The following LRCH1 variants were observed in gnomAD, a reference collection of about 807,000 sequenced individuals.
LRCH1 encodes the protein leucine-rich repeat and calponin homology domain-containing protein 1.
Under a neutral mutation model 94.9 loss-of-function variants are expected in LRCH1, and 23 were observed. The ratio of observed to expected loss-of-function variants is 0.24; its 90% CI spans 0.17 to 0.34. The LOEUF (loss-of-function observed/expected upper bound fraction) is 0.34. Ranked by LOEUF, LRCH1 falls within the 10% of genes least tolerant of loss-of-function variation. The pLI is 1.00. For missense variants in LRCH1, 790 were observed against 945.9 expected, an observed-to-expected ratio of 0.84 and a Z score of 2.16; for synonymous variants, 364 against 354.9, an observed-to-expected ratio of 1.03 and a Z score of -0.29.
rs1403444922 is a variant in LRCH1, at chr13:46,743,023, T to C, written c.*1175T>C. 2 of 985,276 alleles carry C rather than the reference T, an allele frequency of 2.0e-6. No individual in the cohort carries two copies. Among genetic ancestry groups the C allele is most frequent in the Non-Finnish European group, 2.4e-6 (2 of 829,892 alleles). The allele number at this position is 985,276 out of a possible 1,614,324, so 61.0% of individuals were successfully genotyped here. On this transcript the variant is annotated 3_prime_UTR_variant, in exon 20 of 20. Transcript: ENST00000389797. ...AAAAAGAATTTTATCTTAGCCAGAA[T>C]GTCCCTGGATTCAGGGGTGTCTTTG...
chr13:46,571,276 T>C (rs2050237860), intron 1 of LRCH1, among the ~76,000 whole-genome samples: 1 of 152,250 alleles, frequency 6.6e-6, no homozygotes, highest in Non-Finnish European at 1.5e-5. Flanking sequence ...GTGCAGTTCC[T>C]GGGCCTTGGA....
chr13:46,736,624 A>G (rs1407513001), intron 19 of LRCH1, among the ~76,000 whole-genome samples: 1 of 152,202 alleles, frequency 6.6e-6, no homozygotes, highest in African/African-American at 2.4e-5. Flanking sequence ...GAGGACCTAT[A>G]TCATTACTTT....
At position 46,640,442 on chromosome 13, in the gene LRCH1, T is replaced by C. The variant is rs79593941; in HGVS notation, c.308-9759T>C. ...TGCAGCTAAGTGGTGGGACCAGAGT[T>C]TGAACTCAAGCTGTCTGACATGAGG... is the stretch of plus-strand genomic sequence containing the variant. On this transcript the variant is annotated intron_variant, in intron 1 of 19. Transcript: ENST00000389797. Among the ~76,000 whole-genome samples, 1,423 of 152,318 alleles carry C rather than the reference T, an allele frequency of 9.3e-3. 13 individuals are homozygous for C. The highest frequency in any genetic ancestry group is 0.016 in the Admixed American group (250 of 15,292).
intron 1 of LRCH1, among the ~76,000 whole-genome samples, chr13:46,577,019 C>T (rs1247784637): frequency 1.3e-5 from 2 of 152,138 alleles, no homozygotes; most frequent in African/African-American, 4.8e-5. Context: ...GATTGTGGAA[C>T]TCATGGTGGC....
chr13:46,648,250 CA>C (rs1271159875), intron 1 of LRCH1, among the ~76,000 whole-genome samples: 1 of 152,158 alleles, frequency 6.6e-6, no homozygotes, highest in African/African-American at 2.4e-5. Flanking sequence ...TTCAATGCCC[CA>C]GCTGATCTGA....
intron 1 of LRCH1, among the ~76,000 whole-genome samples, chr13:46,617,820 A>AT (rs2050829472): frequency 6.6e-6 from 1 of 151,956 alleles, no homozygotes; most frequent in African/African-American, 2.4e-5. Flanking sequence ...GCCCCAAAAC[A>AT]TTTTTTTCTT....
rs1593351341 is a variant in LRCH1, at chr13:46,685,759, G to A, written c.686-146G>A. ...GTAAAATGTTATGTACACACACCAT[G>A]TATTCCTAATGTACAACTTGCCTTT... On this transcript the variant is annotated intron_variant, in intron 4 of 19. Transcript: ENST00000389797. The A allele has an allele frequency of 4.8e-5, 27 of 562,292 alleles. No individual in the cohort carries two copies. The East Asian group carries it at 8.2e-4, about 17-fold the overall frequency. 34.8% of individuals were successfully genotyped at this position (562,292 alleles called of 1,614,324 possible).
intron 1 of LRCH1, among the ~76,000 whole-genome samples, chr13:46,557,817 C>T (rs1363169281): frequency 6.6e-6 from 1 of 152,008 alleles, no homozygotes; most frequent in Non-Finnish European, 1.5e-5. Flanking sequence ...TGAGGTCGCA[C>T]CACTGCATGC....
chr13:46,660,249 C>G (rs1199960054), intron 2 of LRCH1, among the ~76,000 whole-genome samples: 1 of 151,774 alleles, frequency 6.6e-6, no homozygotes, highest in Non-Finnish European at 1.5e-5. Context: ...CTCCTGACTT[C>G]GTGATCCACC....
At chr13:46,724,287 C>A (rs992972274) in intron 17 of LRCH1, among the ~76,000 whole-genome samples, 2 of 152,206 alleles carry the variant, frequency 1.3e-5, no homozygotes, top group African/African-American at 4.8e-5. Context: ...TAGCTGACTG[C>A]AGCCTTGAAC....
intron 2 of LRCH1, among the ~76,000 whole-genome samples, chr13:46,667,803 T>G (rs1319287262): frequency 6.6e-6 from 1 of 152,252 alleles, no homozygotes; most frequent in Non-Finnish European, 1.5e-5. Context: ...TGTAGAAAGT[T>G]TGGAAAATAC....
chr13:46,557,511 C>T (rs1157568222), intron 1 of LRCH1, among the ~76,000 whole-genome samples: 2 of 82,414 alleles, frequency 2.4e-5, no homozygotes, highest in East Asian at 5.1e-4. Context: ...AGTTTGAGAA[C>T]GGTCTGGGCA....
chr13:46,741,503 G>C, intron 19 of LRCH1, 139 bp from the exon 20 acceptor site: 1 of 925,752 alleles, frequency 1.1e-6, no homozygotes. Context: ...TGATGAAAGG[G>C]TCTTACCTGC....
intron 9 of LRCH1, among the ~76,000 whole-genome samples, chr13:46,697,576 T>C (rs146821289): frequency 6.6e-6 from 1 of 152,122 alleles, no homozygotes; most frequent in Non-Finnish European, 1.5e-5. Context: ...TGTGAAAACA[T>C]GGCACTAACT....
chr13:46,574,822 GTT>G (rs754195815), intron 1 of LRCH1, among the ~76,000 whole-genome samples: 243 of 69,418 alleles, frequency 3.5e-3, no homozygotes, highest in African/African-American at 0.013. Context: ...TGTGTGTGGG[GTT>G]TTTTTTTTTT....
chr13:46,685,470 A>G (rs899474733), intron 4 of LRCH1, among the ~76,000 whole-genome samples: 2 of 152,230 alleles, frequency 1.3e-5, no homozygotes, highest in African/African-American at 4.8e-5. Context: ...TAGTTCTGGG[A>G]TAATGCCAGC....
chr13:46,688,461 T>C (rs1870733576), intron 6 of LRCH1, among the ~76,000 whole-genome samples: 2 of 152,186 alleles, frequency 1.3e-5, no homozygotes, highest in Non-Finnish European at 2.9e-5. Context: ...ACTTCCTGTT[T>C]CAAATGGAAA....
chr13:46,613,603 C>T (rs114015045), intron 1 of LRCH1, among the ~76,000 whole-genome samples: 1,575 of 152,128 alleles, frequency 0.01, 36 homozygotes, highest in African/African-American at 0.036. Flanking sequence ...AGCCTGGTTG[C>T]GCATTAGAAT....
chr13:46,594,558 A>C (rs1367434103), intron 1 of LRCH1, among the ~76,000 whole-genome samples: 1 of 152,230 alleles, frequency 6.6e-6, no homozygotes, highest in Non-Finnish European at 1.5e-5. Context: ...GCTACACAGA[A>C]TGTTTGCATT....
Sources: gnomAD v4.1 joint callset for allele counts (sites outside exome capture counted in the v4.1 genomes callset) on GRCh38, gnomAD v4.1.1 for gene constraint, MANE v1.5 for transcripts, NCBI Gene and HGNC (gene_info 2026-07-23, HGNC 2026-07-21) for gene names.